The following PCDH9 variants were observed in gnomAD, a reference collection of about 807,000 sequenced individuals.
PCDH9 encodes protocadherin 9, also known as protocadherin-9.
Under a neutral mutation model 70.6 loss-of-function variants are expected in PCDH9, and 24 were observed. That is an observed-to-expected ratio of 0.34 (90% CI 0.25 to 0.48). The LOEUF is 0.48. PCDH9 is among the 20% of genes least tolerant of loss of function. PCDH9 has a pLI of 0.99. For missense variants in PCDH9, 1,281 were observed against 1,503.6 expected, an observed-to-expected ratio of 0.85 and a Z score of 2.45; for synonymous variants, 562 against 558.5, an observed-to-expected ratio of 1.01 and a Z score of -0.09.
At chr13:66,714,242 G>T (rs1566523403) in intron 3 of PCDH9, among the ~76,000 whole-genome samples, 2 of 151,966 alleles carry the variant, frequency 1.3e-5, no homozygotes, top group South Asian at 2.1e-4. Flanking sequence ...GAGGTGGGTG[G>T]ATCACAAGTT....
At position 66,890,473 on chromosome 13, in the gene PCDH9, T is replaced by G. The variant is rs146979795; in HGVS notation, c.3138+13031A>C. 1.3e-4 allele frequency among the ~76,000 whole-genome samples: 18 copies of G among 138,986 alleles called. No individual in the cohort carries two copies. The East Asian group carries it at 1.9e-3, about 15-fold the overall frequency. The allele number at this position is 138,986 out of a possible 152,430, so 91.2% of individuals were successfully genotyped here. On this transcript the variant is annotated intron_variant, in intron 3 of 4. Coordinates refer to ENST00000377865, the MANE Select transcript of PCDH9 (RefSeq NM_203487.3). ...CTTTTTTTTTTTTTTTTTTTTTTGG[T>G]TAAGGCATTTACTCTAGAAAACTTG...
chr13:66,651,161 A>T (rs559515246), intron 3 of PCDH9, among the ~76,000 whole-genome samples: 1 of 152,018 alleles, frequency 6.6e-6, no homozygotes, highest in Non-Finnish European at 1.5e-5. Flanking sequence ...CTAAGTTAGT[A>T]GAAGAAAAAA....
At chr13:66,350,860 C>T (rs1169670202) in intron 4 of PCDH9, among the ~76,000 whole-genome samples, 1 of 152,176 alleles carries the variant, frequency 6.6e-6, no homozygotes, top group Non-Finnish European at 1.5e-5. Context: ...TAGCTTCCAT[C>T]TCACTGTAAT....
intron 2 of PCDH9, among the ~76,000 whole-genome samples, chr13:67,187,545 T>C (rs1238066631): frequency 6.6e-6 from 1 of 152,176 alleles, no homozygotes; most frequent in Non-Finnish European, 1.5e-5. Context: ...AATGCTCTTA[T>C]TAAGCTGCAT....
At chr13:67,224,869 A>G (rs1371888194) in intron 2 of PCDH9, 22 of 979,492 alleles carry the variant, frequency 2.2e-5, no homozygotes, top group Middle Eastern at 5.2e-4. Context: ...GTTGCAATCT[A>G]TCAACGATCA....
In PCDH9 at chr13:66,394,814, A is replaced by G. The variant is rs1391801413; in HGVS notation, c.3341-89786T>C. ...CTATTTTTTAAAATGAATTAAAAGT[A>G]CAACTATGCACAGGAGATGACAGAG... On this transcript the variant is annotated intron_variant, in intron 4 of 4. Transcript: ENST00000377865. Among the ~76,000 whole-genome samples the G allele has an allele frequency of 2.0e-5, 3 of 152,334 alleles. No homozygotes were observed. The East Asian group carries it at 5.8e-4, about 29-fold the overall frequency.
At chr13:66,718,677 C>G (rs552454091) in intron 3 of PCDH9, among the ~76,000 whole-genome samples, 1 of 152,056 alleles carries the variant, frequency 6.6e-6, no homozygotes, top group African/African-American at 2.4e-5. Flanking sequence ...AAGCAATTTT[C>G]GAGGGAACAA....
chr13:66,569,192 T>C (rs558555859), intron 4 of PCDH9, among the ~76,000 whole-genome samples: 12 of 149,806 alleles, frequency 8.0e-5, no homozygotes, highest in Non-Finnish European at 1.8e-4. Flanking sequence ...TTTTATTTTA[T>C]TTTTTAGCAG....
chr13:66,780,894 A>G (rs1302228478), intron 3 of PCDH9, among the ~76,000 whole-genome samples: 1 of 152,134 alleles, frequency 6.6e-6, no homozygotes, highest in African/African-American at 2.4e-5. Flanking sequence ...GTTTTTATTA[A>G]CCTGCTGTTT....
At chr13:66,622,375 C>A (rs567941181) in intron 4 of PCDH9, among the ~76,000 whole-genome samples, 2 of 152,166 alleles carry the variant, frequency 1.3e-5, no homozygotes, top group Non-Finnish European at 2.9e-5. Context: ...CCTGCAGCCC[C>A]GGTGCAGGAG....
chr13:66,528,154 A>G (rs991163372), intron 4 of PCDH9, among the ~76,000 whole-genome samples: 17 of 152,190 alleles, frequency 1.1e-4, no homozygotes. Flanking sequence ...GTTGACTAGA[A>G]TTAGAAATAT....
At chr13:67,209,453 C>T (rs552964155) in intron 2 of PCDH9, 1 of 152,172 alleles carries the variant, frequency 6.6e-6, no homozygotes, top group South Asian at 2.1e-4. Flanking sequence ...CCATCGATGT[C>T]AATTTTCCAA....
intron 4 of PCDH9, among the ~76,000 whole-genome samples, chr13:66,360,126 A>T (rs1956444863): frequency 1.3e-5 from 2 of 152,112 alleles, no homozygotes. Flanking sequence ...AAGCAGAGCT[A>T]CTGCACAGTC....
intron 3 of PCDH9, among the ~76,000 whole-genome samples, chr13:66,864,149 A>T (rs2081531404): frequency 6.6e-6 from 1 of 152,164 alleles, no homozygotes. Flanking sequence ...ACAATTTAAG[A>T]TGAGATCTGG....
intron 4 of PCDH9, among the ~76,000 whole-genome samples, chr13:66,315,512 C>T (rs1323692513): frequency 1.3e-5 from 2 of 151,912 alleles, no homozygotes; most frequent in Non-Finnish European, 2.9e-5. Flanking sequence ...AATGGAGTTT[C>T]GCTCTGCCAC....
At chr13:66,999,111 C>T (rs1355788099) in intron 2 of PCDH9, among the ~76,000 whole-genome samples, 1 of 152,228 alleles carries the variant, frequency 6.6e-6, no homozygotes, top group African/African-American at 2.4e-5. Context: ...AAATTGGGTT[C>T]TTGCCTATCT....
intron 4 of PCDH9, among the ~76,000 whole-genome samples, chr13:66,396,832 T>C (rs1484684058): frequency 6.6e-6 from 1 of 152,114 alleles, no homozygotes; most frequent in Non-Finnish European, 1.5e-5. Flanking sequence ...GTATTACAGA[T>C]TTTGAATTTG....
intron 2 of PCDH9, among the ~76,000 whole-genome samples, chr13:67,026,244 C>A (rs1270551901): frequency 6.6e-6 from 1 of 152,010 alleles, no homozygotes; most frequent in South Asian, 2.1e-4. Flanking sequence ...GGATTTGGTT[C>A]CCCAGTATTT....
intron 3 of PCDH9, among the ~76,000 whole-genome samples, chr13:66,643,337 T>A (rs746820886): frequency 1.3e-5 from 2 of 152,070 alleles, no homozygotes; most frequent in Non-Finnish European, 2.9e-5. Flanking sequence ...TAAGATTTTA[T>A]ATCTCTTTTC....
Sources: allele counts gnomAD v4.1 joint callset (sites outside exome capture counted in the v4.1 genomes callset), GRCh38; gene constraint gnomAD v4.1.1; transcripts MANE v1.5; gene names NCBI Gene and HGNC (gene_info 2026-07-23, HGNC 2026-07-21).